Variants in ARID3A observed in about 807,000 individuals in gnomAD.
ARID3A encodes AT-rich interactive domain-containing protein 3A.
A neutral mutation model predicts 52.7 loss-of-function variants in ARID3A; 11 were observed. That is an observed-to-expected ratio of 0.21 (90% CI 0.13 to 0.35). ARID3A has a LOEUF of 0.35. ARID3A is among the 10% of genes least tolerant of loss of function. The pLI is 1.00. For missense variants in ARID3A, 721 were observed against 838.5 expected (o/e 0.86, Z 1.73); for synonymous variants, 404 against 359.4 (o/e 1.12, Z -1.40).
chr19:964,781 A>G lies in ARID3A; in HGVS notation c.951-52A>G. The stretch of plus-strand genomic sequence containing the variant: ...GTTTACTTTGTACTGAAGGCCAAAG[A>G]GAGCCGTAGGGGTGACCCGGGTGCC... On this transcript the variant is annotated intron_variant, in intron 5 of 8. Coordinates refer to ENST00000263620, the MANE Select transcript of ARID3A (RefSeq NM_005224.3). This position sits in a 1 kb window ranked among gnomAD's most constrained non-coding sequence, Gnocchi z 5.7. 1.3e-6 allele frequency: 2 copies of G among 1,578,984 alleles called. No homozygotes were observed. Among genetic ancestry groups the G allele is most frequent in the Non-Finnish European group, 1.7e-6 (2 of 1,158,972 alleles).
chr19:959,632 G>A lies in ARID3A; in HGVS notation c.694-460G>A, dbSNP rs1229982253. On this transcript the variant is annotated intron_variant, in intron 3 of 8. Transcript: ENST00000263620. The surrounding 1 kb of genome is among the most constrained non-coding windows in gnomAD (Gnocchi z 5.0). The stretch of plus-strand genomic sequence containing the variant: ...GGAGAATAGATTTCTGTTGCTTTAA[G>A]CTGCAACGTGTGGCTGTAAGGGAGT... 6.6e-6 allele frequency among the ~76,000 whole-genome samples: 1 copy of A among 152,172 alleles called. No individual in the cohort carries two copies. Among genetic ancestry groups the A allele is most frequent in the Non-Finnish European group, 1.5e-5 (1 of 68,028 alleles).
rs2145453734 is a variant in ARID3A, at chr19:964,687, G to C, written c.951-146G>C. 9.5e-6 allele frequency: 13 copies of C among 1,362,800 alleles called. No individual in the cohort carries two copies. In the South Asian group the frequency reaches 1.8e-4, roughly 19 times the overall value. 84.4% of individuals were successfully genotyped at this position (1,362,800 alleles called of 1,614,324 possible). A position where few individuals can be genotyped will look rare whatever the true frequency, so the allele number is the denominator to read the frequency against. On this transcript the variant is annotated intron_variant, in intron 5 of 8. Transcript: ENST00000263620. This position sits in a 1 kb window ranked among gnomAD's most constrained non-coding sequence, Gnocchi z 5.7. ...CATTGAGATGGAGGGAATGGGCAAA[G>C]GCCCAGCAGCTCTGGGGGCTGCTGA...
intron 3 of ARID3A, among the ~76,000 whole-genome samples, chr19:935,002 A>C (rs1189757154): frequency 6.6e-6 from 1 of 152,206 alleles, no homozygotes; most frequent in African/African-American, 2.4e-5. Flanking sequence ...CCCAGTGTCA[A>C]CAGTGGCCTG....
At position 973,952 on chromosome 19, in the gene ARID3A, G is replaced by A. The variant is rs12973318; in HGVS notation, c.*1887G>A. 4 of 230,850 alleles carry A rather than the reference G, an allele frequency of 1.7e-5. No individual in the cohort carries two copies. The highest frequency in any genetic ancestry group is 1.8e-4 in the South Asian group (1 of 5,504). The allele number at this position is 230,850 out of a possible 1,614,324, so 14.3% of individuals were successfully genotyped here. A position where few individuals can be genotyped will look rare whatever the true frequency, so the allele number is the denominator to read the frequency against. ...TGGGCGGGGCTGTCGTGTCCTACAC[G>A]GGAGCTCTGGGCTTTCATTTCTCTT... On this transcript the variant is annotated 3_prime_UTR_variant, in exon 9 of 9. Coordinates refer to ENST00000263620, the MANE Select transcript of ARID3A (RefSeq NM_005224.3).
chr19:926,150 C>A (rs2037191048), intron 1 of ARID3A, 91 bp downstream of exon 1: 1 of 150,618 alleles, frequency 6.6e-6, no homozygotes, highest in African/African-American at 2.4e-5. Context: ...CCCGGGCAGG[C>A]CGACCCCAGG....
chr19:945,262 C>T (rs747775047), intron 3 of ARID3A, among the ~76,000 whole-genome samples: 4 of 152,254 alleles, frequency 2.6e-5, no homozygotes, highest in African/African-American at 4.8e-5. Flanking sequence ...TTTCCCCGCC[C>T]GTAAGACGGG....
intron 3 of ARID3A, among the ~76,000 whole-genome samples, chr19:936,580 C>G (rs961650671): frequency 6.6e-6 from 1 of 152,168 alleles, no homozygotes; most frequent in African/African-American, 2.4e-5. Flanking sequence ...CAGTGGCTCA[C>G]GTCTGCAATC....
In ARID3A at chr19:929,516, G is replaced by A. The variant is rs1031618901; in HGVS notation, c.-13G>A. On this transcript the variant is annotated 5_prime_UTR_variant, in exon 2 of 9. Coordinates refer to ENST00000263620, the MANE Select transcript of ARID3A (RefSeq NM_005224.3). This position sits in a 1 kb window ranked among gnomAD's most constrained non-coding sequence, Gnocchi z 6.2. The stretch of plus-strand genomic sequence containing the variant: ...GTGGTGGTGGTGGTGGTGGTGGCCC[G>A]GGCCGCAGGGCCATGAAACTACAGG... 2.0e-5 allele frequency: 27 copies of A among 1,342,694 alleles called. No individual in the cohort carries two copies. The highest frequency in any genetic ancestry group is 8.7e-5 in the East Asian group (2 of 23,076). 83.2% of individuals were successfully genotyped at this position (1,342,694 alleles called of 1,614,324 possible). A position where few individuals can be genotyped will look rare whatever the true frequency, so the allele number is the denominator to read the frequency against.
Position 929,516 on chromosome 19 carries a change from G to T in ARID3A, c.-13G>T. On this transcript the variant is annotated 5_prime_UTR_variant, in exon 2 of 9. Coordinates refer to ENST00000263620, the MANE Select transcript of ARID3A (RefSeq NM_005224.3). This position sits in a 1 kb window ranked among gnomAD's most constrained non-coding sequence, Gnocchi z 6.2. The stretch of plus-strand genomic sequence containing the variant: ...GTGGTGGTGGTGGTGGTGGTGGCCC[G>T]GGCCGCAGGGCCATGAAACTACAGG... 1 of 1,342,822 alleles carries T rather than the reference G, an allele frequency of 7.4e-7. No homozygotes were observed. The highest frequency in any genetic ancestry group is 4.3e-5 in the East Asian group (1 of 23,068). 83.2% of individuals were successfully genotyped at this position (1,342,822 alleles called of 1,614,324 possible). A position where few individuals can be genotyped will look rare whatever the true frequency, so the allele number is the denominator to read the frequency against.
intron 7 of ARID3A, among the ~76,000 whole-genome samples, chr19:967,116 G>C (rs527989942): frequency 7.9e-5 from 12 of 151,966 alleles, no homozygotes; most frequent in Non-Finnish European, 2.9e-5. Context: ...CAAATTAGCC[G>C]GGCGTGGCAG....
chr19:929,835 G>C lies in ARID3A; in HGVS notation c.307G>C (p.Gly103Arg). The stretch of plus-strand genomic sequence containing the variant: ...CCGGGAGGGGACACCGGGCTCACCC[G>C]GGCGAGGCAGAGAAGGGCCAGGAGA... ...AAREGTPGSP[G>R]RGREGPGEEH... The change falls in exon 2 of 9, where the codon GGG becomes CGG. Residue 103 changes from glycine (G) to arginine (R), a missense_variant. Coordinates refer to ENST00000263620, the MANE Select transcript of ARID3A (RefSeq NM_005224.3). The surrounding 1 kb of genome is among the most constrained non-coding windows in gnomAD (Gnocchi z 6.2). 2 of 1,545,156 alleles carry C rather than the reference G, an allele frequency of 1.3e-6. No homozygotes were observed. Among genetic ancestry groups the C allele is most frequent in the Non-Finnish European group, 1.7e-6 (2 of 1,147,344 alleles).
At chr19:955,363 C>G (rs567322343) in intron 3 of ARID3A, among the ~76,000 whole-genome samples, 2 of 152,182 alleles carry the variant, frequency 1.3e-5, no homozygotes, top group African/African-American at 4.8e-5. Context: ...CCATTAGAGC[C>G]GCCTCCCCCG....
Position 974,114 on chromosome 19 carries a change from C to A in ARID3A, c.*2049C>A, listed in dbSNP as rs571316886. ...CCCCAGCTCCCCCCACTCCCAACCA[C>A]CTCCCCATTGCCTTGGAGACCCCTG... On this transcript the variant is annotated 3_prime_UTR_variant, in exon 9 of 9. Transcript: ENST00000263620. 1.1e-4 allele frequency: 26 copies of A among 226,776 alleles called. 1 individual carries two copies. The South Asian group carries it at 3.7e-3, about 32-fold the overall frequency. 14.0% of individuals were successfully genotyped at this position (226,776 alleles called of 1,614,324 possible).
At chr19:971,600 C>G in intron 8 of ARID3A, among the ~76,000 whole-genome samples, 1 of 151,910 alleles carries the variant, frequency 6.6e-6, no homozygotes, top group South Asian at 2.1e-4. Flanking sequence ...CGCGACAGAG[C>G]GAGACACCAT....
rs2038338252 is a variant in ARID3A at position 974,281 on chromosome 19, C to A, written c.*2216C>A. 1 of 228,348 alleles carries A rather than the reference C, an allele frequency of 4.4e-6. No individual in the cohort carries two copies. The highest frequency in any genetic ancestry group is 8.7e-6 in the Non-Finnish European group (1 of 114,924). The allele number at this position is 228,348 out of a possible 1,614,324, so 14.1% of individuals were successfully genotyped here. On this transcript the variant is annotated 3_prime_UTR_variant, in exon 9 of 9. Coordinates refer to ENST00000263620, the MANE Select transcript of ARID3A (RefSeq NM_005224.3). ...GGATCTCAGGGCCGTGGACACACAC[C>A]CCCTTTCCAGGAGGGGGTGGTGGGC...
rs1451141763 is a variant in ARID3A at position 972,222 on chromosome 19, G to A, written c.*157G>A. On this transcript the variant is annotated 3_prime_UTR_variant, in exon 9 of 9. Coordinates refer to ENST00000263620, the MANE Select transcript of ARID3A (RefSeq NM_005224.3). ...CTGACGCCAAAAAGAAAAGAAAAAA[G>A]ATATATATATATATATATATATATA... is the stretch of plus-strand genomic sequence containing the variant. 9.0e-6 allele frequency: 2 copies of A among 222,714 alleles called. No individual in the cohort carries two copies. The highest frequency in any genetic ancestry group is 8.6e-6 in the Non-Finnish European group (1 of 116,368). 13.8% of individuals were successfully genotyped at this position (222,714 alleles called of 1,614,324 possible).
chr19:953,114 C>T (rs1425525697), intron 3 of ARID3A, among the ~76,000 whole-genome samples: 1 of 151,952 alleles, frequency 6.6e-6, no homozygotes, highest in South Asian at 2.1e-4. Flanking sequence ...AGTCCTGAGC[C>T]GGGGCTGAAC....
chr19:941,085 G>A lies in ARID3A; in HGVS notation c.693+8343G>A, dbSNP rs926167219. Among the ~76,000 whole-genome samples the A allele has an allele frequency of 3.3e-5, 5 of 152,234 alleles. No homozygotes were observed. The highest frequency in any genetic ancestry group is 1.9e-4 in the East Asian group (1 of 5,174). On this transcript the variant is annotated intron_variant, in intron 3 of 8. Coordinates refer to ENST00000263620, the MANE Select transcript of ARID3A (RefSeq NM_005224.3). The surrounding 1 kb of genome is among the most constrained non-coding windows in gnomAD (Gnocchi z 6.9). ...GCCGCGGCCTGGCCCCACGCCCACC[G>A]CCGGCGTCCCACCCTGGTGGCTGCT...
At chr19:945,790 T>C (rs1392996440) in intron 3 of ARID3A, among the ~76,000 whole-genome samples, 3 of 152,180 alleles carry the variant, frequency 2.0e-5, no homozygotes, top group Non-Finnish European at 2.9e-5. Flanking sequence ...CCCCTTGCAC[T>C]GCCCGGCTCC....
Sources: gnomAD v4.1 joint callset for allele counts (sites outside exome capture counted in the v4.1 genomes callset) on GRCh38, gnomAD v4.1.1 for gene constraint, Gnocchi (gnomAD v3.1) non-coding constraint, MANE v1.5 for transcripts, NCBI Gene and HGNC (gene_info 2026-07-23, HGNC 2026-07-21) for gene names.